The following RGS7 variants were observed in gnomAD, a reference collection of about 807,000 sequenced individuals.
RGS7 encodes the protein regulator of G protein signaling 7.
RGS7 carries 27 observed loss-of-function variants against 81.1 expected under a neutral mutation model. The observed-to-expected ratio is 0.33, with a 90% CI of 0.25 to 0.46. The LOEUF (loss-of-function observed/expected upper bound fraction) is 0.46, where lower values mean the gene tolerates loss of function less well. RGS7 is among the 20% of genes least tolerant of loss of function. The pLI is 1.00. For synonymous variants in RGS7, 208 were observed against 207.7 expected (o/e 1.00, Z -0.01); for missense variants, 396 against 607.4 (o/e 0.65, Z 3.66).
intron 3 of RGS7, among the ~76,000 whole-genome samples, chr1:241,067,612 C>T (rs112334503): frequency 0.03 from 4,542 of 151,958 alleles, 77 homozygotes; most frequent in Middle Eastern, 0.058. Context: ...CTCTGCCTCC[C>T]GTGTTCCAGT....
chr1:240,791,900 T>C (rs1405391844), intron 18 of RGS7, among the ~76,000 whole-genome samples: 2 of 152,222 alleles, frequency 1.3e-5, no homozygotes, highest in Admixed American at 6.5e-5. Context: ...TGCTTAACTC[T>C]TTTTCATTCT....
Position 241,342,272 on chromosome 1 carries a change from G to A in RGS7, c.78+13427C>T, listed in dbSNP as rs541439231. Among the ~76,000 whole-genome samples the A allele has an allele frequency of 1.5e-4, 23 of 152,128 alleles. No individual in the cohort carries two copies. In the South Asian group the frequency reaches 4.0e-3, roughly 26 times the overall value. On this transcript the variant is annotated intron_variant, in intron 2 of 18. Coordinates refer to ENST00000440928, the MANE Select transcript of RGS7 (RefSeq NM_001364886.1). ...ATATCATAAAAATCTCACTATAAAG[G>A]CAGGAATAGGAAAATATTAGGCCCA...
intron 3 of RGS7, among the ~76,000 whole-genome samples, chr1:241,043,663 ATTATG>A (rs1324980995): frequency 2.1e-5 from 3 of 145,266 alleles, no homozygotes; most frequent in Non-Finnish European, 4.5e-5. Flanking sequence ...TTTATATAAT[ATTATG>A]TTATATCTAT....
chr1:241,153,099 G>C lies in RGS7; in HGVS notation c.79-54337C>G, dbSNP rs181013948. Among the ~76,000 whole-genome samples, 322 of 152,344 alleles carry C rather than the reference G, an allele frequency of 2.1e-3. 1 individual carries two copies. The highest frequency in any genetic ancestry group is 7.4e-3 in the African/African-American group (307 of 41,578). On this transcript the variant is annotated intron_variant, in intron 2 of 18. Transcript: ENST00000440928. ...ACATTTCCCATACGAGCATCACTAA[G>C]AGTAAACATTGACTGACAATGAATA... is the stretch of plus-strand genomic sequence containing the variant.
intron 2 of RGS7, among the ~76,000 whole-genome samples, chr1:241,154,106 C>G (rs376774439): frequency 1.8e-4 from 28 of 152,198 alleles, no homozygotes; most frequent in East Asian, 5.8e-4. Flanking sequence ...TGGCGAGATT[C>G]TAGTGGTGAA....
At chr1:241,213,884 C>T (rs1485699703) in intron 2 of RGS7, among the ~76,000 whole-genome samples, 2 of 152,172 alleles carry the variant, frequency 1.3e-5, no homozygotes, top group East Asian at 1.9e-4. Flanking sequence ...CCCACCTCAG[C>T]CTCCCAATTA....
intron 3 of RGS7, among the ~76,000 whole-genome samples, chr1:241,016,846 G>C (rs1645375569): frequency 6.6e-6 from 1 of 152,072 alleles, no homozygotes; most frequent in South Asian, 2.1e-4. Context: ...GCTATATTCA[G>C]ATAAAAATCT....
chr1:240,818,379 A>G (rs1167547554), intron 10 of RGS7, among the ~76,000 whole-genome samples: 1 of 152,176 alleles, frequency 6.6e-6, no homozygotes. Context: ...TAATTACACA[A>G]ATAAACATAT....
At chr1:240,850,555 C>T (rs1183307278) in intron 9 of RGS7, among the ~76,000 whole-genome samples, 1 of 152,148 alleles carries the variant, frequency 6.6e-6, no homozygotes, top group Non-Finnish European at 1.5e-5. Flanking sequence ...CCTACAATGA[C>T]TTCTAAGTGT....
intron 2 of RGS7, among the ~76,000 whole-genome samples, chr1:241,331,429 T>C (rs2081973724): frequency 6.6e-6 from 1 of 152,220 alleles, no homozygotes; most frequent in Non-Finnish European, 1.5e-5. Flanking sequence ...CTGTGAGTAG[T>C]TTAAGGATTA....
At chr1:241,067,234 T>TGTA (rs2148853727) in intron 3 of RGS7, among the ~76,000 whole-genome samples, 1 of 152,326 alleles carries the variant, frequency 6.6e-6, no homozygotes, top group South Asian at 2.1e-4. Flanking sequence ...CCCACTACAA[T>TGTA]GGAAGCTTTC....
intron 3 of RGS7, among the ~76,000 whole-genome samples, chr1:241,016,393 C>A (rs1458530227): frequency 6.6e-6 from 1 of 152,010 alleles, no homozygotes; most frequent in Non-Finnish European, 1.5e-5. Context: ...CGGCATGCAC[C>A]TGTAGTCTCA....
At chr1:241,159,846 A>T (rs935363104) in intron 2 of RGS7, among the ~76,000 whole-genome samples, 10 of 152,078 alleles carry the variant, frequency 6.6e-5, no homozygotes, top group African/African-American at 2.2e-4. Context: ...TAAGAAACTG[A>T]GTCACCACTA....
At chr1:240,824,684 T>C (rs1218841708) in intron 10 of RGS7, among the ~76,000 whole-genome samples, 1 of 152,222 alleles carries the variant, frequency 6.6e-6, no homozygotes, top group East Asian at 1.9e-4. Flanking sequence ...TCATATGTCA[T>C]GGACGGAGTT....
At chr1:240,879,643 C>T (rs1008485253) in intron 6 of RGS7, among the ~76,000 whole-genome samples, 2 of 152,184 alleles carry the variant, frequency 1.3e-5, no homozygotes, top group South Asian at 2.1e-4. Flanking sequence ...GTTACCACTC[C>T]GTTAGTGGCC....
At chr1:241,349,334 G>A (rs2083093743) in intron 2 of RGS7, among the ~76,000 whole-genome samples, 1 of 152,060 alleles carries the variant, frequency 6.6e-6, no homozygotes, top group Non-Finnish European at 1.5e-5. Context: ...CACCAGAAAG[G>A]ACCAAAGAAG....
At chr1:240,810,738 C>T (rs1220522725) in intron 14 of RGS7, among the ~76,000 whole-genome samples, 5 of 152,178 alleles carry the variant, frequency 3.3e-5, no homozygotes, top group Admixed American at 6.5e-5. Context: ...CGTGAGCCCT[C>T]GCACCTAGCC....
At chr1:241,202,734 C>A (rs1002768403) in intron 2 of RGS7, among the ~76,000 whole-genome samples, 1 of 152,060 alleles carries the variant, frequency 6.6e-6, no homozygotes, top group Non-Finnish European at 1.5e-5. Context: ...AAGTTCTTTA[C>A]GGCTAGTTTT....
intron 2 of RGS7, among the ~76,000 whole-genome samples, chr1:241,293,846 G>C (rs1481391427): frequency 2.0e-5 from 3 of 152,160 alleles, no homozygotes; most frequent in African/African-American, 7.2e-5. Context: ...GTTGGTGGGA[G>C]TGTAAATTAG....
Sources: gnomAD v4.1 joint callset for allele counts (sites outside exome capture counted in the v4.1 genomes callset) on GRCh38, gnomAD v4.1.1 for gene constraint, MANE v1.5 for transcripts, NCBI Gene and HGNC (gene_info 2026-07-23, HGNC 2026-07-21) for gene names.